CSMD1: variants seen among roughly 807,000 people sequenced by gnomAD.
The protein encoded by CSMD1 is CUB and sushi domain-containing protein 1.
Under a neutral mutation model 417.5 loss-of-function variants are expected in CSMD1, and 213 were observed. The observed-to-expected ratio is 0.51, with a 90% CI of 0.46 to 0.57. The LOEUF is 0.57. Among genes scored for constraint, CSMD1 ranks in the 20% least tolerant of loss-of-function variants. CSMD1 has a pLI of 0.00. For missense variants in CSMD1, 6,923 were observed against 4,529.7 expected (o/e 1.53, Z -15.17); for synonymous variants, 2,862 against 1,736.8 (o/e 1.65, Z -16.11).
Position 4,039,839 on chromosome 8 carries a change from G to A in CSMD1, c.416-7740C>T, listed in dbSNP as rs1220534728. Among the ~76,000 whole-genome samples, 3 of 152,176 alleles carry A rather than the reference G, an allele frequency of 2.0e-5. No individual in the cohort carries two copies. In the South Asian group the frequency reaches 6.2e-4, roughly 31 times the overall value. Reference sequence around the variant, plus strand: ...CAGATCTGGCATCAAATAGATTTGGGTTTCTGCTCCAGAAAGTGATTTTGT... The same window carrying A: ...CAGATCTGGCATCAAATAGATTTGGATTTCTGCTCCAGAAAGTGATTTTGT... On this transcript the variant is annotated intron_variant, in intron 3 of 69. Transcript: ENST00000635120.
At chr8:3,898,845 G>A (rs910527630) in intron 5 of CSMD1, among the ~76,000 whole-genome samples, 1 of 152,062 alleles carries the variant, frequency 6.6e-6, no homozygotes, top group African/African-American at 2.4e-5. Context: ...TGATTTCTCA[G>A]GACATAGCTG....
At chr8:3,718,961 GAAGAT>G (rs1362589101) in intron 6 of CSMD1, among the ~76,000 whole-genome samples, 1 of 152,102 alleles carries the variant, frequency 6.6e-6, no homozygotes, top group Non-Finnish European at 1.5e-5. Context: ...GAAGGAGCGA[GAAGAT>G]AAGAAAGCGC....
At chr8:3,803,176 A>C (rs548040867) in intron 5 of CSMD1, among the ~76,000 whole-genome samples, 1 of 152,272 alleles carries the variant, frequency 6.6e-6, no homozygotes, top group East Asian at 1.9e-4. Flanking sequence ...AAAGCAATAT[A>C]AAATCATTCA....
chr8:3,697,410 T>A (rs1800614755), intron 7 of CSMD1, among the ~76,000 whole-genome samples: 1 of 152,238 alleles, frequency 6.6e-6, no homozygotes, highest in South Asian at 2.1e-4. Context: ...GATATTTAAC[T>A]CTTGGTCTCT....
intron 25 of CSMD1, among the ~76,000 whole-genome samples, chr8:3,287,716 G>C (rs1471819319): frequency 1.3e-5 from 2 of 152,108 alleles, no homozygotes; most frequent in East Asian, 3.9e-4. Flanking sequence ...AGACGATGGG[G>C]TTTTCTCCAT....
At chr8:3,425,305 C>G (rs1382239443) in intron 12 of CSMD1, among the ~76,000 whole-genome samples, 1 of 152,130 alleles carries the variant, frequency 6.6e-6, no homozygotes, top group African/African-American at 2.4e-5. Flanking sequence ...AATGCCCTGT[C>G]CCAGCTGGGC....
intron 8 of CSMD1, among the ~76,000 whole-genome samples, chr8:3,603,999 A>G (rs1395765244): frequency 6.6e-6 from 1 of 152,216 alleles, no homozygotes; most frequent in Non-Finnish European, 1.5e-5. Context: ...TACTGAATCA[A>G]TATTTATTGT....
intron 25 of CSMD1, among the ~76,000 whole-genome samples, chr8:3,298,484 T>C (rs1443440738): frequency 6.6e-6 from 1 of 152,196 alleles, no homozygotes; most frequent in Non-Finnish European, 1.5e-5. Context: ...GACAGAGTCT[T>C]GATCTGTTGA....
In CSMD1 at chr8:3,188,927, C is replaced by G. The variant is rs2129050384; in HGVS notation, c.5483G>C (p.Cys1828Ser). 6.2e-7 allele frequency: 1 copy of G among 1,607,598 alleles called. No individual in the cohort carries two copies. The highest frequency in any genetic ancestry group is 8.5e-7 in the Non-Finnish European group (1 of 1,176,838). Residue 1828 changes from cysteine (C) to serine (S), a missense_variant, in exon 35 of 70, where the codon TGT (cysteine) becomes TCT (serine). Cys to Ser is a moderately radical substitution (Grantham distance 112). Transcript: ENST00000635120. ...YPEPYGNNLN[C>S]IWKIIVTEGS... ...CTCCGTAACTATGATCTTCCATATA[C>G]AGTTCAAGTTGTTTCCGTATGGCTC...
intron 1 of CSMD1, among the ~76,000 whole-genome samples, chr8:4,815,462 G>A (rs542698812): frequency 2.6e-5 from 4 of 152,128 alleles, no homozygotes; most frequent in Non-Finnish European, 4.4e-5. Flanking sequence ...TTGGGAGGCT[G>A]AGGTGGGAGC....
In CSMD1 at chr8:4,750,135, A is replaced by G. The variant is rs771932129; in HGVS notation, c.86-112577T>C. Among the ~76,000 whole-genome samples the G allele has an allele frequency of 5.3e-4, 81 of 152,088 alleles. 1 individual carries two copies. The highest frequency in any genetic ancestry group is 1.0e-3 in the Non-Finnish European group (70 of 68,018). On this transcript the variant is annotated intron_variant, in intron 1 of 69. Coordinates refer to ENST00000635120, the MANE Select transcript of CSMD1 (RefSeq NM_033225.6). ...ATTCTCCTGCCTCAGCCTCCCGAGT[A>G]GCTGGGACTACAGGCGCCCGCCACC... is the stretch of plus-strand genomic sequence containing the variant.
At chr8:3,660,671 C>T (rs919448768) in intron 7 of CSMD1, among the ~76,000 whole-genome samples, 1 of 151,872 alleles carries the variant, frequency 6.6e-6, no homozygotes, top group Non-Finnish European at 1.5e-5. Flanking sequence ...CAGGGTCCCT[C>T]CACCACACCT....
chr8:4,513,529 C>T (rs11994346), intron 2 of CSMD1, among the ~76,000 whole-genome samples: 10,187 of 152,196 alleles, frequency 0.067, 379 homozygotes, highest in Middle Eastern at 0.12. Flanking sequence ...GAGAAGAACT[C>T]TCGTTTCATG....
intron 1 of CSMD1, among the ~76,000 whole-genome samples, chr8:4,881,544 T>A (rs1803402627): frequency 6.6e-6 from 1 of 151,716 alleles, no homozygotes; most frequent in African/African-American, 2.4e-5. Context: ...TTTTTTTTTT[T>A]TTTTTTTATC....
At chr8:3,936,313 G>A (rs976040038) in intron 5 of CSMD1, among the ~76,000 whole-genome samples, 21 of 152,238 alleles carry the variant, frequency 1.4e-4, no homozygotes, top group Non-Finnish European at 2.8e-4. Context: ...ACACTAAAAG[G>A]CAGATATTGA....
intron 2 of CSMD1, among the ~76,000 whole-genome samples, chr8:4,473,676 G>C (rs929228124): frequency 2.0e-5 from 3 of 152,126 alleles, no homozygotes; most frequent in African/African-American, 7.2e-5. Flanking sequence ...TATGACTCTA[G>C]GTAACTGTCA....
At chr8:4,318,668 T>C (rs1799083650) in intron 3 of CSMD1, among the ~76,000 whole-genome samples, 1 of 150,586 alleles carries the variant, frequency 6.6e-6, no homozygotes, top group Non-Finnish European at 1.5e-5. Context: ...TTGTTTTTGA[T>C]ATCACTGATT....
chr8:3,786,427 T>A (rs376580952), intron 5 of CSMD1, among the ~76,000 whole-genome samples: 1 of 151,920 alleles, frequency 6.6e-6, no homozygotes. Context: ...ACCACAAAAG[T>A]ACGAGAGAAA....
chr8:4,279,434 T>C, intron 3 of CSMD1, among the ~76,000 whole-genome samples: 1 of 152,222 alleles, frequency 6.6e-6, no homozygotes, highest in Admixed American at 6.5e-5. Flanking sequence ...AGTATTGTCC[T>C]TGGATAAGAT....
Sources: gnomAD v4.1 joint callset for allele counts (sites outside exome capture counted in the v4.1 genomes callset) on GRCh38, gnomAD v4.1.1 for gene constraint, MANE v1.5 for transcripts, NCBI Gene and HGNC (gene_info 2026-07-23, HGNC 2026-07-21) for gene names.